Variants in PINX1 observed in about 807,000 individuals in gnomAD.
PINX1 encodes PIN2/TERF1-interacting telomerase inhibitor 1.
Under a neutral mutation model 25.4 loss-of-function variants are expected in PINX1, and 34 were observed. The observed-to-expected ratio is 1.34, with a 90% CI of 1.02 to 1.78. The LOEUF (loss-of-function observed/expected upper bound fraction) is 1.78. PINX1 is among the 40% of genes most tolerant of loss of function. PINX1 has a pLI of 0.00. For synonymous variants in PINX1, 197 were observed against 147.7 expected, an observed-to-expected ratio of 1.33 and a Z score of -2.42; for missense variants, 592 against 404.9, an observed-to-expected ratio of 1.46 and a Z score of -3.97.
intron 6 of PINX1, among the ~76,000 whole-genome samples, chr8:10,808,644 G>C (rs549588245): frequency 1.3e-5 from 2 of 152,190 alleles, no homozygotes; most frequent in South Asian, 4.1e-4. Context: ...GCAACTGATA[G>C]AGCCAAGATT....
chr8:10,766,056 G>A, intron 6 of PINX1, 140 bp from the exon 7 acceptor site: 1 of 776,214 alleles, frequency 1.3e-6, no homozygotes, highest in South Asian at 1.7e-5. Context: ...CCGGCACTTA[G>A]GAGACAAGGC....
intron 6 of PINX1, among the ~76,000 whole-genome samples, chr8:10,808,342 G>A (rs1488539515): frequency 6.6e-6 from 1 of 152,206 alleles, no homozygotes; most frequent in African/African-American, 2.4e-5. Flanking sequence ...AAGTGCTGTA[G>A]GGAGGAGGCT....
At chr8:10,826,110 C>A in intron 5 of PINX1, 42 bp downstream of exon 5, 1 of 1,125,752 alleles carries the variant, frequency 8.9e-7, no homozygotes, top group Non-Finnish European at 1.3e-6. Flanking sequence ...TCAGGACAAA[C>A]ACGTAGATTT....
intron 6 of PINX1, among the ~76,000 whole-genome samples, chr8:10,768,218 G>A (rs1382228754): frequency 1.3e-5 from 2 of 152,096 alleles, no homozygotes; most frequent in East Asian, 1.9e-4. Context: ...TGACAGTTTC[G>A]CAGCACTACA....
chr8:10,776,485 A>C (rs932036094), intron 6 of PINX1, among the ~76,000 whole-genome samples: 2 of 152,132 alleles, frequency 1.3e-5, no homozygotes, highest in Non-Finnish European at 1.5e-5. Flanking sequence ...ATTGGTCTTT[A>C]ACATTATATA....
intron 6 of PINX1, among the ~76,000 whole-genome samples, chr8:10,782,816 T>C (rs1054254290): frequency 1.3e-5 from 2 of 152,300 alleles, no homozygotes; most frequent in Admixed American, 6.5e-5. Flanking sequence ...ATAGCTGCAA[T>C]GCATTGAAAC....
In PINX1 at chr8:10,787,522, G is replaced by A. The variant is rs1801789972; in HGVS notation, c.472-21606C>T. 1.5e-5 allele frequency: 3 copies of A among 198,438 alleles called. No homozygotes were observed. In the South Asian group the frequency reaches 2.5e-4, roughly 17 times the overall value. The allele number at this position is 198,438 out of a possible 1,614,324, so 12.3% of individuals were successfully genotyped here. On this transcript the variant is annotated intron_variant, in intron 6 of 6. Transcript: ENST00000314787. ...ATTACAGGCGTGAGCTACCATGCTT[G>A]GCTGACATATCTTCTATTTGACATT... is the stretch of plus-strand genomic sequence containing the variant.
chr8:10,805,520 C>A (rs537480918), intron 6 of PINX1, among the ~76,000 whole-genome samples: 4 of 151,126 alleles, frequency 2.6e-5, no homozygotes, highest in South Asian at 4.2e-4. Flanking sequence ...CAGGAAGGGG[C>A]CACACTAGTG....
At chr8:10,828,502 C>T (rs1301423084) in intron 4 of PINX1, among the ~76,000 whole-genome samples, 2 of 152,114 alleles carry the variant, frequency 1.3e-5, no homozygotes, top group South Asian at 2.1e-4. Flanking sequence ...GAAGCCCCCG[C>T]GATGGGACCG....
chr8:10,821,773 T>C (rs986411886), intron 5 of PINX1: 1 of 152,354 alleles, frequency 6.6e-6, no homozygotes, highest in African/African-American at 2.4e-5. Context: ...ACTGGCCATC[T>C]ATCCCTAACC....
intron 6 of PINX1, among the ~76,000 whole-genome samples, chr8:10,813,381 A>C (rs1310572311): frequency 6.6e-6 from 1 of 152,170 alleles, no homozygotes; most frequent in East Asian, 1.9e-4. Context: ...AATGAAGGCA[A>C]TAAAGAGACT....
intron 6 of PINX1, among the ~76,000 whole-genome samples, chr8:10,787,007 G>A (rs1656920744): frequency 6.6e-6 from 1 of 152,074 alleles, no homozygotes; most frequent in African/African-American, 2.4e-5. Flanking sequence ...GTGTGTGGAG[G>A]GGTAGGCAAC....
intron 6 of PINX1, among the ~76,000 whole-genome samples, chr8:10,797,413 G>A (rs188630968): frequency 2.2e-4 from 33 of 152,356 alleles, no homozygotes; most frequent in Admixed American, 8.5e-4. Flanking sequence ...TGCTAGCAGA[G>A]CCTCAAACAG....
At chr8:10,811,560 C>T (rs953564511) in intron 6 of PINX1, among the ~76,000 whole-genome samples, 1 of 152,146 alleles carries the variant, frequency 6.6e-6, no homozygotes, top group African/African-American at 2.4e-5. Flanking sequence ...GTTAGCAATT[C>T]GAGGAAGGGC....
At chr8:10,829,305 AG>A (rs1306008529) in intron 4 of PINX1, among the ~76,000 whole-genome samples, 16 of 148,986 alleles carry the variant, frequency 1.1e-4, no homozygotes, top group African/African-American at 3.5e-4. Context: ...AAAAAAAAAA[AG>A]AGAGAGAGAA....
At chr8:10,792,522 G>C (rs896077969) in intron 6 of PINX1, among the ~76,000 whole-genome samples, 1 of 152,064 alleles carries the variant, frequency 6.6e-6, no homozygotes, top group Non-Finnish European at 1.5e-5. Flanking sequence ...CCATGGTTAA[G>C]AGCGCCTGGC....
At chr8:10,812,014 C>T (rs191443764) in intron 6 of PINX1, among the ~76,000 whole-genome samples, 1 of 152,280 alleles carries the variant, frequency 6.6e-6, no homozygotes, top group East Asian at 1.9e-4. Flanking sequence ...AAACAAGTAA[C>T]TCAAGACTCA....
At chr8:10,821,878 A>G (rs990134158) in intron 5 of PINX1, 4 of 152,278 alleles carry the variant, frequency 2.6e-5, no homozygotes, top group Non-Finnish European at 5.9e-5. Flanking sequence ...TAAGGAAGAG[A>G]GGGTACATGC....
chr8:10,832,624 T>C (rs1461316482), intron 3 of PINX1, among the ~76,000 whole-genome samples: 1 of 152,202 alleles, frequency 6.6e-6, no homozygotes, highest in East Asian at 1.9e-4. Context: ...CCCTACCAGA[T>C]TATGTTGGCT....
Sources: allele counts gnomAD v4.1 joint callset (sites outside exome capture counted in the v4.1 genomes callset), GRCh38; gene constraint gnomAD v4.1.1; transcripts MANE v1.5; gene names NCBI Gene and HGNC (gene_info 2026-07-23, HGNC 2026-07-21).